Variants in RERE observed in about 807,000 individuals in gnomAD.
RERE encodes arginine-glutamic acid dipeptide repeats, also known as arginine-glutamic acid dipeptide repeats protein.
A neutral mutation model predicts 146.1 loss-of-function variants in RERE; 40 were observed. That is an observed-to-expected ratio of 0.27 (90% CI 0.21 to 0.36). RERE has a LOEUF of 0.36. Ranked by LOEUF, RERE falls within the 10% of genes least tolerant of loss-of-function variation. The pLI, the probability that RERE is intolerant of heterozygous loss-of-function variation, is 1.00. For synonymous variants in RERE, 1,003 were observed against 866.0 expected (o/e 1.16, Z -2.78); for missense variants, 1,933 against 2,138.7 (o/e 0.90, Z 1.90).
In RERE at chr1:8,759,873, ACAC is replaced by A. The variant is rs1264455034; in HGVS notation, c.-145+57284_-145+57286del. On this transcript the variant is annotated intron_variant, in intron 1 of 22. Transcript: ENST00000400908. ...CACACACACACACACACACACACAC[ACAC>A]AATATGTCTTGATGATCAGAGCTAT... Among the ~76,000 whole-genome samples the A allele has an allele frequency of 6.6e-5, 10 of 151,746 alleles. No homozygotes were observed. In the South Asian group the frequency reaches 1.5e-3, roughly 22 times the overall value.
intron 12 of RERE, among the ~76,000 whole-genome samples, chr1:8,403,984 C>G (rs775424835): frequency 6.6e-5 from 10 of 151,830 alleles, no homozygotes; most frequent in Non-Finnish European, 1.2e-4. Context: ...GCACGCGTCA[C>G]CACGTCCAGC....
chr1:8,416,212 G>T (rs1261529996), intron 12 of RERE, among the ~76,000 whole-genome samples: 1 of 152,214 alleles, frequency 6.6e-6, no homozygotes, highest in African/African-American at 2.4e-5. Context: ...AAGAGCTTTT[G>T]TATCAAGTAA....
rs1461772631 is a variant in RERE at position 8,423,966 on chromosome 1, C to T, written c.1204-1159G>A. 1 of 151,098 alleles carries T rather than the reference C, an allele frequency of 6.6e-6. No individual in the cohort carries two copies. The highest frequency in any genetic ancestry group is 2.0e-4 in the East Asian group (1 of 5,084). The allele number at this position is 151,098 out of a possible 1,614,324, so 9.4% of individuals were successfully genotyped here. Reference sequence around the variant, plus strand: ...CGGCGCTGGAATCTGTGTCCTCCTTCCGGACAGGAGAACATCAAGGCGGTA... The same window carrying T: ...CGGCGCTGGAATCTGTGTCCTCCTTTCGGACAGGAGAACATCAAGGCGGTA... On this transcript the variant is annotated intron_variant, in intron 11 of 22. Transcript: ENST00000400908. The surrounding 1 kb of genome is among the most constrained non-coding windows in gnomAD (Gnocchi z 5.4).
intron 10 of RERE, among the ~76,000 whole-genome samples, chr1:8,468,794 G>T (rs114812780): frequency 0.16 from 24,920 of 152,000 alleles, 2,361 homozygotes; most frequent in Middle Eastern, 0.28. Flanking sequence ...CTACTCAGGA[G>T]GCTGAGGTGA....
intron 1 of RERE, among the ~76,000 whole-genome samples, chr1:8,662,160 T>C (rs1638470819): frequency 6.6e-6 from 1 of 152,222 alleles, no homozygotes; most frequent in Non-Finnish European, 1.5e-5. Context: ...TTGATCCTAT[T>C]AGATTCCCCA....
rs557376814 is a variant in RERE, at chr1:8,358,586, G to A, written c.3949C>T (p.Arg1317Trp). ...REIREREIRERELRERMKPGF... is the reference protein window; with the variant it reads ...REIREREIREWELRERMKPGF... ...GGCTTCATCCTCTCCCGCAGCTCCC[G>A]CTCTCGGATCTCCCGCTCTCGGATC... The change falls in exon 20 of 23, where the codon CGG becomes TGG. Residue 1317 changes from arginine to tryptophan, a missense_variant. Coordinates refer to ENST00000400908, the MANE Select transcript of RERE (RefSeq NM_001042681.2). The A allele has an allele frequency of 1.7e-5, 28 of 1,601,788 alleles. No individual in the cohort carries two copies. The Admixed American group carries it at 3.2e-4, about 19-fold the overall frequency.
chr1:8,626,667 A>C (rs1282322070), intron 2 of RERE, among the ~76,000 whole-genome samples: 1 of 151,862 alleles, frequency 6.6e-6, no homozygotes, highest in Non-Finnish European at 1.5e-5. Context: ...AAACATTCCA[A>C]CCCCACAATA....
intron 12 of RERE, among the ~76,000 whole-genome samples, chr1:8,388,437 A>G (rs1448950801): frequency 6.6e-6 from 1 of 151,786 alleles, no homozygotes; most frequent in African/African-American, 2.4e-5. Flanking sequence ...CTCCTGCCTC[A>G]GCCTCCTGAG....
At chr1:8,677,232 C>A (rs1277869341) in intron 1 of RERE, among the ~76,000 whole-genome samples, 1 of 152,082 alleles carries the variant, frequency 6.6e-6, no homozygotes, top group African/African-American at 2.4e-5. Flanking sequence ...GAGTTCGAGA[C>A]CAGCCTGGCC....
intron 1 of RERE, among the ~76,000 whole-genome samples, chr1:8,663,659 T>A (rs1318525201): frequency 3.3e-5 from 5 of 152,138 alleles, no homozygotes; most frequent in Non-Finnish European, 7.4e-5. Flanking sequence ...AATAGCTCAA[T>A]TCAGATATAA....
Position 8,422,683 on chromosome 1 carries a change from C to G in RERE, c.1284+44G>C. 2.1e-6 allele frequency: 3 copies of G among 1,410,180 alleles called. No individual in the cohort carries two copies. The South Asian group carries it at 3.5e-5, about 16-fold the overall frequency. The allele number at this position is 1,410,180 out of a possible 1,614,324, so 87.4% of individuals were successfully genotyped here. On this transcript the variant is annotated intron_variant, in intron 12 of 22. Coordinates refer to ENST00000400908, the MANE Select transcript of RERE (RefSeq NM_001042681.2). Reference sequence around the variant, plus strand: ...ATCAAATGTGGAGAGGCAGCAGGAGCAAAGAGGAAAAAATCAAGTTACATA... The same window carrying G: ...ATCAAATGTGGAGAGGCAGCAGGAGGAAAGAGGAAAAAATCAAGTTACATA...
At chr1:8,514,133 T>C (rs895266575) in intron 7 of RERE, among the ~76,000 whole-genome samples, 4 of 152,230 alleles carry the variant, frequency 2.6e-5, no homozygotes, top group South Asian at 2.1e-4. Context: ...CTTTTCGAAA[T>C]TCTAATTTTT....
At chr1:8,411,840 T>C (rs1643623877) in intron 12 of RERE, among the ~76,000 whole-genome samples, 1 of 152,212 alleles carries the variant, frequency 6.6e-6, no homozygotes, top group South Asian at 2.1e-4. Context: ...ACTGGCTCTG[T>C]GCTTTACTTT....
Position 8,809,153 on chromosome 1 carries a change from A to AT in RERE, c.-145+8006_-145+8007insA, listed in dbSNP as rs1433787535. 2.7e-4 allele frequency among the ~76,000 whole-genome samples: 41 copies of AT among 150,646 alleles called. 1 individual carries two copies. Among genetic ancestry groups the AT allele is most frequent in the Middle Eastern group, 3.4e-3 (1 of 290 alleles). ...ACTTTGTCTTAAAAAAAAAAAAAAA[A>AT]AAAAAAAGTACTGAGGGAGAGGTTA... On this transcript the variant is annotated intron_variant, in intron 1 of 22. Coordinates refer to ENST00000400908, the MANE Select transcript of RERE (RefSeq NM_001042681.2).
chr1:8,650,989 C>A (rs916429488), intron 2 of RERE, among the ~76,000 whole-genome samples: 3 of 148,928 alleles, frequency 2.0e-5, no homozygotes, highest in Non-Finnish European at 4.5e-5. Flanking sequence ...CCCAGCTACT[C>A]AGGAGGCTGA....
chr1:8,498,069 A>C (rs1205001519), intron 8 of RERE, among the ~76,000 whole-genome samples: 5 of 152,260 alleles, frequency 3.3e-5, no homozygotes, highest in African/African-American at 1.2e-4. Flanking sequence ...ACATTAAAAA[A>C]TATAGTTGAG....
intron 1 of RERE, among the ~76,000 whole-genome samples, chr1:8,811,370 G>T (rs1460933521): frequency 6.6e-6 from 1 of 152,196 alleles, no homozygotes; most frequent in African/African-American, 2.4e-5. Flanking sequence ...ACTTTGGGTG[G>T]CCAAGGTAGG....
intron 1 of RERE, among the ~76,000 whole-genome samples, chr1:8,769,960 T>C (rs1354389630): frequency 1.3e-5 from 2 of 152,068 alleles, no homozygotes; most frequent in Non-Finnish European, 2.9e-5. Context: ...GGCTAATTCT[T>C]TGTGTTTTTA....
intron 1 of RERE, among the ~76,000 whole-genome samples, chr1:8,789,295 A>ATATAT (rs1464137830): frequency 1.4e-3 from 103 of 72,448 alleles, no homozygotes; most frequent in Non-Finnish European, 2.2e-3. Flanking sequence ...AAAAAAAAAA[A>ATATAT]AAAAAAATAT....
Sources: gnomAD v4.1 joint callset for allele counts (sites outside exome capture counted in the v4.1 genomes callset) on GRCh38, gnomAD v4.1.1 for gene constraint, Gnocchi (gnomAD v3.1) non-coding constraint, MANE v1.5 for transcripts, NCBI Gene and HGNC (gene_info 2026-07-23, HGNC 2026-07-21) for gene names.